Variants in MAP7D2 observed in about 807,000 individuals in gnomAD.
MAP7D2 encodes MAP7 domain-containing protein 2.
A neutral mutation model predicts 63.5 loss-of-function variants in MAP7D2; 33 were observed. The observed-to-expected ratio is 0.52, with a 90% CI of 0.39 to 0.70. The LOEUF (loss-of-function observed/expected upper bound fraction) is 0.70. Among genes scored for constraint, MAP7D2 ranks in the 30% least tolerant of loss-of-function variants. The pLI is 0.00. For synonymous variants in MAP7D2, 224 were observed against 223.7 expected (o/e 1.00, Z -0.01); for missense variants, 626 against 604.0 (o/e 1.04, Z -0.38).
chrX:20,097,069 C>G (rs967040709), intron 1 of MAP7D2, among the ~76,000 whole-genome samples: 1 of 111,153 alleles, frequency 9.0e-6, no homozygotes, highest in African/African-American at 3.3e-5. Flanking sequence ...CCCCCTAGAC[C>G]GGCACTGTCC....
chrX:20,013,414 G>C (rs891598015), intron 13 of MAP7D2, among the ~76,000 whole-genome samples, 155 bp downstream of exon 13: 1 of 111,486 alleles, frequency 9.0e-6, no homozygotes, highest in Non-Finnish European at 1.9e-5. Context: ...TTCTTTTCAG[G>C]TACCTAACCC....
At chrX:20,090,201 GT>G (rs987155401) in intron 1 of MAP7D2, among the ~76,000 whole-genome samples, 1 of 110,000 alleles carries the variant, frequency 9.1e-6, no homozygotes, top group African/African-American at 3.3e-5. Flanking sequence ...GTACAAATTA[GT>G]TGCCGAATCC....
intron 1 of MAP7D2, among the ~76,000 whole-genome samples, chrX:20,089,728 A>G (rs1177408383): frequency 8.9e-6 from 1 of 112,595 alleles, no homozygotes; most frequent in African/African-American, 3.2e-5. Context: ...TAACTCCACA[A>G]TTAGAAATAC....
intron 8 of MAP7D2, among the ~76,000 whole-genome samples, chrX:20,040,372 T>A (rs965863719): frequency 1.8e-5 from 2 of 112,088 alleles, no homozygotes; most frequent in African/African-American, 6.5e-5. Context: ...CCCTTTCTTA[T>A]GGTTTGTGTG....
At chrX:20,058,142 T>C (rs1324026723) in intron 3 of MAP7D2, among the ~76,000 whole-genome samples, 5 of 112,599 alleles carry the variant, frequency 4.4e-5, no homozygotes, top group African/African-American at 1.6e-4. Flanking sequence ...ATCGTGAGTA[T>C]GCATGCCTTG....
At chrX:20,038,837 A>C (rs1465194267) in intron 8 of MAP7D2, among the ~76,000 whole-genome samples, 2 of 112,035 alleles carry the variant, frequency 1.8e-5, no homozygotes, top group African/African-American at 6.5e-5. Context: ...TATCAAGATG[A>C]AATCAGTTTA....
intron 1 of MAP7D2, among the ~76,000 whole-genome samples, chrX:20,082,750 T>G (rs1198687784): frequency 8.9e-6 from 1 of 111,880 alleles, no homozygotes; most frequent in Non-Finnish European, 1.9e-5. Flanking sequence ...TGCCTCAGCC[T>G]CCCAAGTAGC....
chrX:20,025,078 C>T lies in MAP7D2; in HGVS notation c.1285G>A (p.Gly429Arg), dbSNP rs1231450913. The change falls in exon 10 of 17, where the codon GGG (glycine) becomes AGG (arginine). Residue 429 changes from glycine (G) to arginine (R), a missense_variant. By Grantham distance (125) the Gly-to-Arg change is moderately radical. Transcript: ENST00000379643. Reference protein sequence around the residue: ...GGKAENSAALGKPTAGTTDAG... With the variant: ...GGKAENSAALRKPTAGTTDAG... ...TCAGTGGTGCCTGCTGTGGGCTTCC[C>T]CAAGGCTGCACCAGAGGAGAGGCAT... The T allele has an allele frequency of 1.7e-6, 2 of 1,205,428 alleles. No homozygotes were observed. Among genetic ancestry groups the T allele is most frequent in the South Asian group, 1.8e-5 (1 of 55,757 alleles).
chrX:20,096,406 C>T (rs1389845750), intron 1 of MAP7D2, among the ~76,000 whole-genome samples: 25 of 84,143 alleles, frequency 3.0e-4, no homozygotes, highest in African/African-American at 1.1e-3. Flanking sequence ...CTCCAGTCTC[C>T]GAGACAGAGC....
intron 7 of MAP7D2, 147 bp from the exon 8 acceptor site, chrX:20,042,776 G>A (rs1569519171): frequency 5.7e-6 from 4 of 699,197 alleles, no homozygotes; most frequent in East Asian, 3.3e-5. Flanking sequence ...GCATCTTTGC[G>A]GGGAGGCAGG....
intron 3 of MAP7D2, among the ~76,000 whole-genome samples, chrX:20,061,060 T>C (rs770342453): frequency 1.6e-4 from 15 of 92,954 alleles, no homozygotes; most frequent in Non-Finnish European, 2.4e-4. Context: ...ATGGCCTGCA[T>C]AGGATGAATG....
intron 10 of MAP7D2, among the ~76,000 whole-genome samples, chrX:20,020,905 A>C (rs1264090838): frequency 1.8e-5 from 2 of 111,645 alleles, no homozygotes; most frequent in Non-Finnish European, 3.8e-5. Context: ...CCCAGGCTCA[A>C]CTCGAACTCC....
intron 8 of MAP7D2, among the ~76,000 whole-genome samples, chrX:20,026,869 G>A (rs966993388): frequency 2.7e-5 from 3 of 111,854 alleles, no homozygotes; most frequent in African/African-American, 9.8e-5. Flanking sequence ...AGTTCCTCTA[G>A]GAAGGATATA....
At chrX:20,036,456 C>A (rs1377607438) in intron 8 of MAP7D2, among the ~76,000 whole-genome samples, 1 of 103,656 alleles carries the variant, frequency 9.6e-6, no homozygotes, top group Non-Finnish European at 2.0e-5. Flanking sequence ...GTTGGCCAGG[C>A]TGGTCTCAAA....
chrX:20,027,271 C>G (rs1176651057), intron 8 of MAP7D2, among the ~76,000 whole-genome samples: 1 of 112,490 alleles, frequency 8.9e-6, no homozygotes, highest in African/African-American at 3.2e-5. Flanking sequence ...TGGGCTCAGG[C>G]CCCACACTCG....
At chrX:20,037,924 C>A (rs1251374475) in intron 8 of MAP7D2, among the ~76,000 whole-genome samples, 1 of 111,763 alleles carries the variant, frequency 8.9e-6, no homozygotes, top group Non-Finnish European at 1.9e-5. Flanking sequence ...TCCCCAGCCA[C>A]CTCTGTCATT....
At chrX:20,015,959 T>C (rs2073370684) in intron 11 of MAP7D2, 135 bp downstream of exon 11, 4 of 603,420 alleles carry the variant, frequency 6.6e-6, no homozygotes, top group Non-Finnish European at 7.9e-6. Context: ...CCCCAACTTA[T>C]ATTTAATAAC....
At chrX:20,093,702 T>A (rs976459049) in intron 1 of MAP7D2, among the ~76,000 whole-genome samples, 2 of 111,145 alleles carry the variant, frequency 1.8e-5, no homozygotes, top group Non-Finnish European at 3.8e-5. Context: ...TAAACAAGAA[T>A]GCAAGAACGC....
At chrX:20,054,118 G>A (rs999343857) in intron 4 of MAP7D2, among the ~76,000 whole-genome samples, 1 of 112,266 alleles carries the variant, frequency 8.9e-6, no homozygotes, top group African/African-American at 3.2e-5. Context: ...GATTACAGGC[G>A]TGAGCCACTG....
Sources: allele counts gnomAD v4.1 joint callset (sites outside exome capture counted in the v4.1 genomes callset), GRCh38; gene constraint gnomAD v4.1.1; transcripts MANE v1.5; gene names NCBI Gene and HGNC (gene_info 2026-07-23, HGNC 2026-07-21).